The following ARHGEF7 variants were observed in gnomAD, a reference collection of about 807,000 sequenced individuals.
The protein encoded by ARHGEF7 is PAK-interacting exchange factor beta.
Under a neutral mutation model 109.8 loss-of-function variants are expected in ARHGEF7, and 33 were observed. The ratio of observed to expected loss-of-function variants is 0.30; its 90% CI spans 0.23 to 0.40. ARHGEF7 has a LOEUF of 0.40. Among genes scored for constraint, ARHGEF7 ranks in the 10% least tolerant of loss-of-function variants. The pLI is 1.00. For synonymous variants in ARHGEF7, 458 were observed against 424.6 expected (o/e 1.08, Z -0.97); for missense variants, 938 against 1,098.5 (o/e 0.85, Z 2.07).
At chr13:111,157,888 T>C (rs1181477291) in intron 2 of ARHGEF7, among the ~76,000 whole-genome samples, 1 of 152,250 alleles carries the variant, frequency 6.6e-6, no homozygotes, top group East Asian at 1.9e-4. Flanking sequence ...ATTAGGCATC[T>C]GACAACTAGG....
chr13:111,165,613 A>T (rs937495982), intron 2 of ARHGEF7, among the ~76,000 whole-genome samples: 1 of 152,192 alleles, frequency 6.6e-6, no homozygotes, highest in Non-Finnish European at 1.5e-5. Flanking sequence ...TTGATAAAGC[A>T]ACTGTGAATT....
intron 2 of ARHGEF7, among the ~76,000 whole-genome samples, chr13:111,175,974 T>C (rs2078120637): frequency 6.6e-6 from 1 of 152,102 alleles, no homozygotes; most frequent in South Asian, 2.1e-4. Flanking sequence ...AACCATCAGA[T>C]CTTGTGAGAA....
At chr13:111,141,308 C>A (rs910178476) in intron 1 of ARHGEF7, among the ~76,000 whole-genome samples, 1 of 151,964 alleles carries the variant, frequency 6.6e-6, no homozygotes, top group Non-Finnish European at 1.5e-5. Context: ...CCTAGTCATC[C>A]CTCCCTCAAC....
rs146856030 is a variant in ARHGEF7 at position 111,304,489 on chromosome 13, G to T, written c.*1376G>T. The T allele has an allele frequency of 3.3e-5, 5 of 152,206 alleles. No homozygotes were observed. Among genetic ancestry groups the T allele is most frequent in the Non-Finnish European group, 5.9e-5 (4 of 68,042 alleles). 9.4% of individuals were successfully genotyped at this position (152,206 alleles called of 1,614,324 possible). A position where few individuals can be genotyped will look rare whatever the true frequency, so the allele number is the denominator to read the frequency against. On this transcript the variant is annotated 3_prime_UTR_variant, in exon 22 of 22. Coordinates refer to ENST00000646102, the MANE Select transcript of ARHGEF7 (RefSeq NM_001354046.2). ...CTTTAAAAACCCAAATTGCAGCACC[G>T]TGGATTACTGGTCTCAGAACAACTC...
rs831162 is a variant in ARHGEF7 at position 111,131,339 on chromosome 13, C to T, written c.165+15648C>T. 0.36 allele frequency among the ~76,000 whole-genome samples: 54,541 copies of T among 151,600 alleles called. 10,218 individuals carry two copies. The highest frequency in any genetic ancestry group is 0.44 in the Middle Eastern group (129 of 294). On this transcript the variant is annotated intron_variant, in intron 1 of 21. Coordinates refer to ENST00000646102, the MANE Select transcript of ARHGEF7 (RefSeq NM_001354046.2). The surrounding 1 kb of genome is among the most constrained non-coding windows in gnomAD (Gnocchi z 4.4). ...TGGTTGCACAACAGGATAGATGGGGCGGTCGCCTGTGCTGGAGCCCTGGGC... is the reference window on the plus strand; with the variant it reads ...TGGTTGCACAACAGGATAGATGGGGTGGTCGCCTGTGCTGGAGCCCTGGGC...
chr13:111,290,047 A>G (rs796071357), intron 18 of ARHGEF7, among the ~76,000 whole-genome samples: 3 of 152,382 alleles, frequency 2.0e-5, no homozygotes, highest in African/African-American at 7.2e-5. Flanking sequence ...TGTTGTGATG[A>G]AAGGTACTAC....
At chr13:111,251,078 G>A (rs1205645713) in intron 8 of ARHGEF7, among the ~76,000 whole-genome samples, 4 of 152,224 alleles carry the variant, frequency 2.6e-5, no homozygotes, top group Non-Finnish European at 5.9e-5. Flanking sequence ...GGGGCTGAAA[G>A]TTCCTGTGAT....
intron 18 of ARHGEF7, among the ~76,000 whole-genome samples, chr13:111,288,806 G>A (rs1474185666): frequency 2.6e-5 from 4 of 152,194 alleles, no homozygotes; most frequent in African/African-American, 9.7e-5. Context: ...TGTTGGTGTA[G>A]TACTGGAATT....
At chr13:111,274,850 A>C in intron 11 of ARHGEF7, 60 bp downstream of exon 11, 2 of 1,153,220 alleles carry the variant, frequency 1.7e-6, no homozygotes, top group Non-Finnish European at 2.3e-6. Context: ...TGAATGTAAA[A>C]GAATTATCAA....
At chr13:111,288,543 C>G in intron 18 of ARHGEF7, 100 bp downstream of exon 18, 2 of 808,048 alleles carry the variant, frequency 2.5e-6, no homozygotes. Flanking sequence ...CTTGCACAGC[C>G]CATGCGCCTG....
chr13:111,264,872 A>G (rs978884579), intron 8 of ARHGEF7, among the ~76,000 whole-genome samples: 13 of 152,228 alleles, frequency 8.5e-5, no homozygotes, highest in African/African-American at 3.1e-4. Context: ...TACATTTGAC[A>G]TCTACATATT....
chr13:111,302,839 T>G, intron 21 of ARHGEF7, 152 bp from the exon 22 acceptor site: 1 of 940,040 alleles, frequency 1.1e-6, no homozygotes. Context: ...GTGTTTGACC[T>G]TCGTGGATCC....
intron 6 of ARHGEF7, among the ~76,000 whole-genome samples, chr13:111,241,610 G>A (rs1197870169): frequency 1.3e-5 from 2 of 152,272 alleles, no homozygotes; most frequent in East Asian, 3.9e-4. Context: ...AGTAGTTTTT[G>A]GTGCTTATGG....
intron 16 of ARHGEF7, among the ~76,000 whole-genome samples, chr13:111,284,350 G>A (rs1184293063): frequency 6.6e-6 from 1 of 152,168 alleles, no homozygotes; most frequent in Non-Finnish European, 1.5e-5. Flanking sequence ...TGAGAAATTA[G>A]GATCTGTGCT....
intron 2 of ARHGEF7, among the ~76,000 whole-genome samples, chr13:111,162,132 A>C (rs941957053): frequency 2.6e-5 from 4 of 152,232 alleles, no homozygotes; most frequent in African/African-American, 9.6e-5. Context: ...GTAGCAGTAC[A>C]TGAGAGTACT....
intron 2 of ARHGEF7, among the ~76,000 whole-genome samples, chr13:111,166,971 G>C (rs1362051890): frequency 6.6e-6 from 1 of 152,156 alleles, no homozygotes; most frequent in Non-Finnish European, 1.5e-5. Context: ...AGGAATACCT[G>C]GTGAAGGGCT....
chr13:111,219,903 A>G (rs561465771), intron 5 of ARHGEF7, among the ~76,000 whole-genome samples: 1 of 152,280 alleles, frequency 6.6e-6, no homozygotes, highest in South Asian at 2.1e-4. Context: ...CAAGTACATG[A>G]CATCCTTTAA....
intron 4 of ARHGEF7, among the ~76,000 whole-genome samples, chr13:111,214,486 G>A (rs1171147887): frequency 6.6e-6 from 1 of 152,262 alleles, no homozygotes; most frequent in Non-Finnish European, 1.5e-5. Flanking sequence ...CCCAGGTGAC[G>A]TTGGATTACT....
intron 5 of ARHGEF7, among the ~76,000 whole-genome samples, chr13:111,220,701 G>A (rs1471074883): frequency 6.6e-6 from 1 of 152,116 alleles, no homozygotes; most frequent in Non-Finnish European, 1.5e-5. Flanking sequence ...AGCAGAGGAC[G>A]CCCTCCAAAG....
Sources: gnomAD v4.1 joint callset for allele counts (sites outside exome capture counted in the v4.1 genomes callset) on GRCh38, gnomAD v4.1.1 for gene constraint, Gnocchi (gnomAD v3.1) non-coding constraint, MANE v1.5 for transcripts, NCBI Gene and HGNC (gene_info 2026-07-23, HGNC 2026-07-21) for gene names.